The following LRP1-AS variants were observed in gnomAD, a reference collection of about 807,000 sequenced individuals.
The protein encoded by LRP1-AS is LRP1 antisense RNA.
chr12:57,147,091 T>C (rs2035425494), intron 1 of LRP1-AS, among the ~76,000 whole-genome samples: 1 of 151,914 alleles, frequency 6.6e-6, no homozygotes, highest in African/African-American at 2.4e-5. Context: ...CAGATTTGCC[T>C]TGCCTCCCAG....
At chr12:57,144,755 T>C in exon 2 of LRP1-AS, 1 of 577,670 alleles carries the variant, frequency 1.7e-6, no homozygotes, top group South Asian at 2.1e-5. Flanking sequence ...CTTCCCTGCG[T>C]GGATGAGTGA....
chr12:57,145,259 G>A (rs2035380021), intron 1 of LRP1-AS: 1 of 1,614,128 alleles, frequency 6.2e-7, no homozygotes, highest in East Asian at 2.2e-5. Flanking sequence ...GCTGTTGATA[G>A]CCAACTCCCA....
chr12:57,145,610 C>A, intron 1 of LRP1-AS: 4 of 1,298,618 alleles, frequency 3.1e-6, no homozygotes, highest in South Asian at 1.3e-5. Flanking sequence ...GCAGGAGAAG[C>A]AGGAGGCTGG....
chr12:57,145,552 C>T (rs2035388454), intron 1 of LRP1-AS: 3 of 1,580,736 alleles, frequency 1.9e-6, no homozygotes, highest in South Asian at 2.3e-5. Context: ...GAAGGTGGAC[C>T]CTATCTTGAA....
chr12:57,145,231 A>G, intron 1 of LRP1-AS: 5 of 1,614,142 alleles, frequency 3.1e-6, no homozygotes, highest in Non-Finnish European at 4.2e-6. Flanking sequence ...TCCCAGAGCC[A>G]GTAGACCGGC....
chr12:57,145,069 G>A, exon 2 of LRP1-AS: 4 of 1,614,002 alleles, frequency 2.5e-6, no homozygotes, highest in Non-Finnish European at 3.4e-6. Flanking sequence ...ACCTCCTGCA[G>A]CCGGATAACC....
intron 1 of LRP1-AS, among the ~76,000 whole-genome samples, chr12:57,145,696 A>C (rs2035391946): frequency 6.6e-6 from 1 of 152,164 alleles, no homozygotes; most frequent in African/African-American, 2.4e-5. Flanking sequence ...AAGTGTCTGG[A>C]TGGCCCCTGC....
intron 1 of LRP1-AS, among the ~76,000 whole-genome samples, chr12:57,145,788 T>G (rs998719035): frequency 3.9e-5 from 6 of 152,000 alleles, no homozygotes; most frequent in African/African-American, 1.5e-4. Flanking sequence ...AGGGGAGTGT[T>G]GACTAGACTG....
At chr12:57,145,548 G>A in intron 1 of LRP1-AS, 1 of 1,585,290 alleles carries the variant, frequency 6.3e-7, no homozygotes, top group Non-Finnish European at 8.6e-7. Context: ...CAGGGAAGGT[G>A]GACCCTATCT....
At chr12:57,146,596 G>A (rs922322584) in intron 1 of LRP1-AS, 1 of 152,156 alleles carries the variant, frequency 6.6e-6, no homozygotes, top group Non-Finnish European at 1.5e-5. Flanking sequence ...CCCCGGGATG[G>A]TGGCGAGCAG....
At chr12:57,146,628 CT>C (rs1169193509) in intron 1 of LRP1-AS, 2 of 152,238 alleles carry the variant, frequency 1.3e-5, no homozygotes, top group African/African-American at 4.8e-5. Context: ...AGAGCCCTCA[CT>C]CTCCGTGGCC....
chr12:57,146,493 A>G (rs2035409076), intron 1 of LRP1-AS: 1 of 152,200 alleles, frequency 6.6e-6, no homozygotes, highest in Non-Finnish European at 1.5e-5. Context: ...GCCTCTCTAG[A>G]AGATCTTCAA....
intron 1 of LRP1-AS, among the ~76,000 whole-genome samples, chr12:57,146,968 C>G (rs7968719): frequency 0.5 from 76,646 of 151,860 alleles, 19,446 homozygotes; most frequent in Admixed American, 0.56. Context: ...CAGTGGGCTT[C>G]TGGGTAGGTG....
chr12:57,147,303 A>C (rs892061732), intron 1 of LRP1-AS: 1 of 151,534 alleles, frequency 6.6e-6, no homozygotes, highest in African/African-American at 2.4e-5. Context: ...TCTCCCACAA[A>C]CTAATTATGG....
At position 57,144,953 on chromosome 12, in the gene LRP1-AS, C is replaced by T. The variant is rs376263804; in HGVS notation, n.312G>A. On this transcript the variant is annotated non_coding_transcript_exon_variant, in exon 2 of 2. Transcript: ENST00000555461. ...TTGTCACACTGGAAATGACCACATT[C>T]TTGCCCTTTCCTCGGCAGATTTTGA... 9 of 1,612,282 alleles carry T rather than the reference C, an allele frequency of 5.6e-6. No homozygotes were observed. In the African/African-American group the frequency reaches 1.2e-4, roughly 21 times the overall value.
chr12:57,144,844 A>G (rs914420112), exon 2 of LRP1-AS: 2 of 925,478 alleles, frequency 2.2e-6, no homozygotes, highest in African/African-American at 1.6e-5. Context: ...TTCATGCTGT[A>G]ATAGATTCTG....
chr12:57,145,547 T>C, intron 1 of LRP1-AS: 1 of 1,587,990 alleles, frequency 6.3e-7, no homozygotes, highest in East Asian at 2.2e-5. Context: ...ACAGGGAAGG[T>C]GGACCCTATC....
chr12:57,145,396 C>T, intron 1 of LRP1-AS: 1 of 1,614,172 alleles, frequency 6.2e-7, no homozygotes, highest in Non-Finnish European at 8.5e-7. Flanking sequence ...ATGTTGGGGA[C>T]AGTGCTGCTC....
At chr12:57,146,231 C>T (rs1253601983) in intron 1 of LRP1-AS, among the ~76,000 whole-genome samples, 1 of 152,118 alleles carries the variant, frequency 6.6e-6, no homozygotes, top group Non-Finnish European at 1.5e-5. Context: ...TAAAAGTCAA[C>T]ATCTGGCAGC....
Sources: allele counts gnomAD v4.1 joint callset (sites outside exome capture counted in the v4.1 genomes callset), GRCh38; gene constraint gnomAD v4.1.1; transcripts MANE v1.5; gene names NCBI Gene and HGNC (gene_info 2026-07-23, HGNC 2026-07-21).